FAM185A: variants seen among roughly 807,000 people sequenced by gnomAD.
The protein encoded by FAM185A is protein FAM185A.
FAM185A carries 21 observed loss-of-function variants against 45.7 expected under a neutral mutation model. The ratio of observed to expected loss-of-function variants is 0.46; its 90% CI spans 0.33 to 0.66. The LOEUF (loss-of-function observed/expected upper bound fraction) is 0.66, where lower values mean the gene tolerates loss of function less well. Among genes scored for constraint, FAM185A ranks in the 30% least tolerant of loss-of-function variants. The probability of loss-of-function intolerance (pLI) is 0.03; values close to 1 mark genes in which losing one functional copy is unlikely to be tolerated. For synonymous variants in FAM185A, 117 were observed against 194.0 expected (o/e 0.60, Z 3.30); for missense variants, 305 against 485.4 (o/e 0.63, Z 3.49).
At chr7:102,781,299 A>G (rs947671888) in intron 6 of FAM185A, among the ~76,000 whole-genome samples, 3 of 152,228 alleles carry the variant, frequency 2.0e-5, no homozygotes, top group Admixed American at 1.3e-4. Flanking sequence ...CCTGTCTGAC[A>G]GGCTTGAAGA....
chr7:102,751,775 G>T lies in FAM185A; in HGVS notation c.535G>T (p.Gly179Trp), dbSNP rs200475628. ...GDNCKIETEH[G>W]TSILQSVKGQ... Reference sequence around the variant, plus strand: ...TAATTGCAAAATTGAAACAGAGCATGGGACTAGTATCTTGCAGTCTGTTAA... The same window carrying T: ...TAATTGCAAAATTGAAACAGAGCATTGGACTAGTATCTTGCAGTCTGTTAA... Residue 179 changes from glycine (G) to tryptophan (W), a missense_variant, in exon 2 of 8, where the codon GGG becomes TGG. By Grantham distance (184) the Gly-to-Trp change is radical (BLOSUM62 -2). This residue lies in a region of FAM185A where 174 missense variants were observed against 247.1 expected (regional missense o/e 0.70). Coordinates refer to ENST00000413034, the MANE Select transcript of FAM185A (RefSeq NM_001145268.2). 2 of 1,551,310 alleles carry T rather than the reference G, an allele frequency of 1.3e-6. No individual in the cohort carries two copies. Among genetic ancestry groups the T allele is most frequent in the Non-Finnish European group, 1.7e-6 (2 of 1,146,706 alleles).
At chr7:102,802,511 C>T (rs953951690) in intron 7 of FAM185A, among the ~76,000 whole-genome samples, 4 of 152,084 alleles carry the variant, frequency 2.6e-5, no homozygotes, top group African/African-American at 9.7e-5. Context: ...AGTGACACAG[C>T]CTATCAAAAC....
intron 6 of FAM185A, among the ~76,000 whole-genome samples, chr7:102,780,813 G>A (rs1795355959): frequency 1.3e-5 from 2 of 152,216 alleles, no homozygotes; most frequent in Admixed American, 1.3e-4. Context: ...GAAAGTGGGT[G>A]CAGGACAGTG....
the FAM185A span, among the ~76,000 whole-genome samples, chr7:102,833,246 T>C: frequency 6.6e-6 from 1 of 152,162 alleles, no homozygotes; most frequent in Non-Finnish European, 1.5e-5. Flanking sequence ...GTTTGACTCA[T>C]ATGGTCAGTA....
At chr7:102,799,896 C>T (rs530176693) in intron 7 of FAM185A, among the ~76,000 whole-genome samples, 10 of 151,986 alleles carry the variant, frequency 6.6e-5, no homozygotes, top group African/African-American at 2.2e-4. Flanking sequence ...GACAGAGCAG[C>T]GTGTAGAGGC....
At chr7:102,775,959 TA>T (rs1316710915) in intron 5 of FAM185A, among the ~76,000 whole-genome samples, 1 of 152,138 alleles carries the variant, frequency 6.6e-6, no homozygotes, top group East Asian at 1.9e-4. Flanking sequence ...TTGAGTCTGA[TA>T]AAGGGCATTT....
chr7:102,829,027 C>T, the FAM185A span, among the ~76,000 whole-genome samples: 1 of 152,182 alleles, frequency 6.6e-6, no homozygotes, highest in East Asian at 1.9e-4. Context: ...ACTGGAACAG[C>T]CAGGCTCTGT....
At chr7:102,784,122 A>C (rs1431975282) in intron 6 of FAM185A, among the ~76,000 whole-genome samples, 3 of 152,180 alleles carry the variant, frequency 2.0e-5, no homozygotes, top group African/African-American at 7.2e-5. Context: ...CACCCTCCCA[A>C]GACTAAACCA....
chr7:102,837,009 T>C, the FAM185A span, among the ~76,000 whole-genome samples: 1 of 152,224 alleles, frequency 6.6e-6, no homozygotes. Context: ...CCATTTTCTA[T>C]AATGAAGACA....
chr7:102,754,639 C>A (rs112320093), intron 2 of FAM185A, among the ~76,000 whole-genome samples: 1 of 152,066 alleles, frequency 6.6e-6, no homozygotes, highest in Non-Finnish European at 1.5e-5. Flanking sequence ...AACTCACTTG[C>A]GTTCACATAG....
At chr7:102,805,317 G>C (rs900817304) in intron 7 of FAM185A, among the ~76,000 whole-genome samples, 24 of 152,102 alleles carry the variant, frequency 1.6e-4, no homozygotes, top group Middle Eastern at 3.4e-3. Flanking sequence ...AAAGAAACTG[G>C]AATATATATA....
the FAM185A span, among the ~76,000 whole-genome samples, chr7:102,832,528 A>G: frequency 6.6e-6 from 1 of 152,222 alleles, no homozygotes; most frequent in African/African-American, 2.4e-5. Context: ...GTTCCTACAA[A>G]TACTAAGTTC....
At chr7:102,753,859 T>A (rs1793522293) in intron 2 of FAM185A, among the ~76,000 whole-genome samples, 1 of 152,208 alleles carries the variant, frequency 6.6e-6, no homozygotes, top group Non-Finnish European at 1.5e-5. Flanking sequence ...TCTATTTTTT[T>A]AAAAGTAAGT....
intron 7 of FAM185A, among the ~76,000 whole-genome samples, chr7:102,801,817 C>T (rs199650623): frequency 3.3e-5 from 5 of 151,428 alleles, no homozygotes; most frequent in South Asian, 4.2e-4. Context: ...CCCAGCTACT[C>T]GGGAGGCTGA....
At chr7:102,754,011 G>A (rs560649719) in intron 2 of FAM185A, among the ~76,000 whole-genome samples, 1 of 152,260 alleles carries the variant, frequency 6.6e-6, no homozygotes, top group East Asian at 1.9e-4. Context: ...CAAGGGTTAA[G>A]AGAATTATCC....
chr7:102,837,260 G>C, the FAM185A span, among the ~76,000 whole-genome samples: 1 of 152,178 alleles, frequency 6.6e-6, no homozygotes, highest in East Asian at 1.9e-4. Context: ...TCCTGGAGAT[G>C]CCACTCTTGC....
At chr7:102,798,994 C>T (rs1045739589) in intron 7 of FAM185A, among the ~76,000 whole-genome samples, 5 of 152,216 alleles carry the variant, frequency 3.3e-5, no homozygotes, top group Non-Finnish European at 5.9e-5. Flanking sequence ...GTGATCCGCC[C>T]GCCCTGACCT....
intron 5 of FAM185A, 132 bp from the exon 6 acceptor site, chr7:102,777,121 T>C (rs1795119978): frequency 1.2e-6 from 1 of 852,108 alleles, no homozygotes; most frequent in Non-Finnish European, 1.8e-6. Context: ...GGCATTGTTA[T>C]GAGGAAAATA....
At chr7:102,811,992 A>C (rs943631459), downstream of FAM185A, among the ~76,000 whole-genome samples, 1 of 152,234 alleles carries the variant, frequency 6.6e-6, no homozygotes, top group South Asian at 2.1e-4. Flanking sequence ...AAAACTTTTC[A>C]AAATAACGAT....
Sources: gnomAD v4.1 joint callset for allele counts (sites outside exome capture counted in the v4.1 genomes callset) on GRCh38, gnomAD v4.1.1 for gene constraint, gnomAD v4.1.1 regional missense constraint, MANE v1.5 for transcripts, NCBI Gene and HGNC (gene_info 2026-07-23, HGNC 2026-07-21) for gene names.